The following ANK1 variants were observed in gnomAD, a reference collection of about 807,000 sequenced individuals.
The protein encoded by ANK1 is ankyrin 1, also known as ankyrin-1.
ANK1 carries 51 observed loss-of-function variants against 210.4 expected under a neutral mutation model. The observed-to-expected ratio is 0.24, with a 90% confidence interval of 0.19 to 0.31. The LOEUF is 0.31. Among genes scored for constraint, ANK1 ranks in the 10% least tolerant of loss-of-function variants. The pLI is 1.00. For missense variants in ANK1, 2,051 were observed against 2,504.4 expected (o/e 0.82, Z 3.86); for synonymous variants, 967 against 1,025.9 (o/e 0.94, Z 1.10).
At chr8:41,713,503 G>A (rs1371206334) in intron 16 of ANK1, among the ~76,000 whole-genome samples, 1 of 152,226 alleles carries the variant, frequency 6.6e-6, no homozygotes, top group Non-Finnish European at 1.5e-5. Context: ...TGAGCAGCTC[G>A]CCTCCGAAGC....
At chr8:41,743,010 T>C (rs1369942612) in intron 2 of ANK1, among the ~76,000 whole-genome samples, 2 of 152,222 alleles carry the variant, frequency 1.3e-5, no homozygotes, top group Admixed American at 6.5e-5. Context: ...GCAAGTGCTA[T>C]ACTCGATGTC....
chr8:41,761,364 C>G (rs1840395053), intron 1 of ANK1, among the ~76,000 whole-genome samples: 2 of 66,342 alleles, frequency 3.0e-5, no homozygotes, highest in Non-Finnish European at 8.3e-5. Flanking sequence ...CATACAGAGA[C>G]CTGTGTGCAC....
At chr8:41,695,358 G>A (rs929562317) in intron 26 of ANK1, 27 bp from the exon 27 acceptor site, 1 of 1,613,370 alleles carries the variant, frequency 6.2e-7, no homozygotes, top group African/African-American at 1.3e-5. Flanking sequence ...GTGGTGGTGG[G>A]GAGGTGCTCA....
rs573939 is a variant in ANK1, at chr8:41,667,982, G to C, written c.5394+285C>G. Among the ~76,000 whole-genome samples the C allele has an allele frequency of 0.78, 118,058 of 152,176 alleles. 46,155 individuals carry two copies. The highest frequency in any genetic ancestry group is 0.82 in the Admixed American group (12,543 of 15,298). On this transcript the variant is annotated intron_variant, in intron 39 of 42. Transcript: ENST00000289734. ...CAAAAGCCACAACTTTGGAGTCAGC[G>C]AGACCCAGCTTAGAGCCCACTTCTG...
At chr8:41,762,013 C>T (rs1840593715) in intron 1 of ANK1, among the ~76,000 whole-genome samples, 2 of 152,204 alleles carry the variant, frequency 1.3e-5, no homozygotes, top group South Asian at 4.1e-4. Context: ...ATCCTGACTT[C>T]CTGCCAGCCC....
In ANK1 at chr8:41,876,318, A is replaced by G. The variant is rs1017502022; in HGVS notation, c.126+20037T>C. 2.0e-5 allele frequency among the ~76,000 whole-genome samples: 3 copies of G among 152,142 alleles called. No homozygotes were observed. In the East Asian group the frequency reaches 5.8e-4, roughly 29 times the overall value. The stretch of plus-strand genomic sequence containing the variant: ...CTCCCGGTCGCGCAGCCCCTCGGCC[A>G]GCGGGCCTTGTCCCCACCCAGGTTC... On this transcript the variant is annotated intron_variant, in intron 1 of 42. Coordinates refer to the ANK1 transcript ENST00000265709.
intron 1 of ANK1, among the ~76,000 whole-genome samples, chr8:41,806,659 G>T (rs1851011607): frequency 6.6e-6 from 1 of 152,204 alleles, no homozygotes; most frequent in East Asian, 1.9e-4. Flanking sequence ...GAACCATGAT[G>T]GTTTGAGCCT....
At chr8:41,719,502 C>A (rs1828678071) in intron 10 of ANK1, among the ~76,000 whole-genome samples, 159 bp downstream of exon 10, 1 of 152,154 alleles carries the variant, frequency 6.6e-6, no homozygotes, top group South Asian at 2.1e-4. Flanking sequence ...GCACACCAGG[C>A]CCCCACCATC....
At chr8:41,873,463 CTAT>C (rs1342893891) in intron 1 of ANK1, among the ~76,000 whole-genome samples, 1 of 152,194 alleles carries the variant, frequency 6.6e-6, no homozygotes, top group Non-Finnish European at 1.5e-5. Flanking sequence ...CCAAGTCACC[CTAT>C]TATTAATCTT....
chr8:41,851,170 G>A (rs1156850928), intron 1 of ANK1, among the ~76,000 whole-genome samples: 1 of 152,176 alleles, frequency 6.6e-6, no homozygotes, highest in African/African-American at 2.4e-5. Flanking sequence ...GAATGAAATC[G>A]ACCAAATCAT....
intron 1 of ANK1, among the ~76,000 whole-genome samples, chr8:41,820,980 C>T (rs1298479562): frequency 6.6e-6 from 1 of 152,192 alleles, no homozygotes; most frequent in African/African-American, 2.4e-5. Flanking sequence ...TAAAAGTTGT[C>T]TGGAGCAACT....
chr8:41,701,521 C>T (rs1055617219), intron 22 of ANK1, 29 bp downstream of exon 22: 8 of 1,612,526 alleles, frequency 5.0e-6, no homozygotes, highest in Middle Eastern at 1.7e-4. Context: ...TCTGTCCCCA[C>T]CAGCCTGAGC....
At chr8:41,717,326 G>A (rs1285798248) in intron 12 of ANK1, among the ~76,000 whole-genome samples, 3 of 152,220 alleles carry the variant, frequency 2.0e-5, no homozygotes, top group South Asian at 2.1e-4. Context: ...GTAAACCCCA[G>A]AGCTAATGAA....
intron 1 of ANK1, among the ~76,000 whole-genome samples, chr8:41,888,317 A>G (rs1818810200): frequency 6.6e-6 from 1 of 152,262 alleles, no homozygotes; most frequent in African/African-American, 2.4e-5. Flanking sequence ...GATCATAGGT[A>G]CACACGTATA....
At chr8:41,821,139 G>A (rs996719143) in intron 1 of ANK1, among the ~76,000 whole-genome samples, 6 of 152,112 alleles carry the variant, frequency 3.9e-5, no homozygotes, top group Non-Finnish European at 8.8e-5. Flanking sequence ...TATATTTGGG[G>A]GTGGCATATT....
At chr8:41,745,171 C>T (rs548971315) in intron 2 of ANK1, among the ~76,000 whole-genome samples, 19 of 151,286 alleles carry the variant, frequency 1.3e-4, no homozygotes, top group East Asian at 1.9e-4. Flanking sequence ...GAAGAAGGGG[C>T]GGGGAGATGT....
intron 31 of ANK1, among the ~76,000 whole-genome samples, 181 bp from the exon 32 acceptor site, chr8:41,690,780 T>C (rs183270065): frequency 1.3e-5 from 2 of 152,364 alleles, no homozygotes; most frequent in Admixed American, 6.5e-5. Context: ...TTGTGATCAA[T>C]GAGGCATGCT....
intron 1 of ANK1, chr8:41,840,406 AC>A (rs1349789508): frequency 6.6e-6 from 1 of 152,222 alleles, no homozygotes; most frequent in South Asian, 2.1e-4. Flanking sequence ...TTAATTTTGT[AC>A]CTACCTCTTT....
intron 39 of ANK1, among the ~76,000 whole-genome samples, chr8:41,667,919 C>T (rs1454102708): frequency 6.6e-6 from 1 of 152,176 alleles, no homozygotes; most frequent in Non-Finnish European, 1.5e-5. Context: ...TGCTCGGTTC[C>T]TAGCCCTTTC....
Sources: gnomAD v4.1 joint callset for allele counts (sites outside exome capture counted in the v4.1 genomes callset) on GRCh38, gnomAD v4.1.1 for gene constraint, MANE v1.5 for transcripts, NCBI Gene and HGNC (gene_info 2026-07-23, HGNC 2026-07-21) for gene names.